The following HS6ST3 variants were observed in gnomAD, a reference collection of about 807,000 sequenced individuals.
The protein encoded by HS6ST3 is heparan sulfate 6-O-sulfotransferase 3, also known as heparan-sulfate 6-O-sulfotransferase 3.
A neutral mutation model predicts 36.7 loss-of-function variants in HS6ST3; 12 were observed. The observed-to-expected ratio is 0.33, with a 90% CI of 0.21 to 0.53. The LOEUF is 0.53. HS6ST3 is among the 20% of genes least tolerant of loss of function. HS6ST3 has a pLI of 0.95. For missense variants in HS6ST3, 584 were observed against 640.9 expected, an observed-to-expected ratio of 0.91 and a Z score of 0.96; for synonymous variants, 240 against 257.5, an observed-to-expected ratio of 0.93 and a Z score of 0.65.
chr13:96,466,626 A>G (rs947780252), intron 1 of HS6ST3, among the ~76,000 whole-genome samples: 2 of 152,204 alleles, frequency 1.3e-5, no homozygotes, highest in Non-Finnish European at 1.5e-5. Context: ...TTTAAATCAA[A>G]GAAGAAAAGA....
At chr13:96,594,229 C>G (rs1208304954) in intron 1 of HS6ST3, among the ~76,000 whole-genome samples, 1 of 151,876 alleles carries the variant, frequency 6.6e-6, no homozygotes, top group Non-Finnish European at 1.5e-5. Flanking sequence ...GCTTGGCCTC[C>G]CAAAGTGCTG....
At chr13:96,744,138 T>A (rs1467603633) in intron 1 of HS6ST3, among the ~76,000 whole-genome samples, 2 of 152,060 alleles carry the variant, frequency 1.3e-5, no homozygotes, top group Admixed American at 1.3e-4. Context: ...CTCCAAGATA[T>A]AAGCTACATT....
intron 1 of HS6ST3, among the ~76,000 whole-genome samples, chr13:96,286,194 G>C (rs1321662204): frequency 6.6e-6 from 1 of 152,152 alleles, no homozygotes; most frequent in Non-Finnish European, 1.5e-5. Context: ...TCAGAGAACA[G>C]AGTGAGGCTC....
Position 96,653,065 on chromosome 13 carries a change from T to G in HS6ST3, c.708-179425T>G, listed in dbSNP as rs557326953. Among the ~76,000 whole-genome samples, 13 of 152,214 alleles carry G rather than the reference T, an allele frequency of 8.5e-5. 1 individual carries two copies. Among genetic ancestry groups the G allele is most frequent in the African/African-American group, 3.1e-4 (13 of 41,554 alleles). On this transcript the variant is annotated intron_variant, in intron 1 of 1. Coordinates refer to ENST00000376705, the MANE Select transcript of HS6ST3 (RefSeq NM_153456.4). ...GTCACTGCTGTTTGGGGACTCATTT[T>G]TGCTAAACTCTTTTCTGAGGTGGAT...
At chr13:96,412,037 G>T (rs868506478) in intron 1 of HS6ST3, among the ~76,000 whole-genome samples, 1 of 151,486 alleles carries the variant, frequency 6.6e-6, no homozygotes, top group African/African-American at 2.4e-5. Flanking sequence ...ACGGATTCTC[G>T]CTCTGTAGCC....
At chr13:96,502,850 A>G (rs761989143) in intron 1 of HS6ST3, among the ~76,000 whole-genome samples, 12 of 152,166 alleles carry the variant, frequency 7.9e-5, no homozygotes, top group Non-Finnish European at 1.0e-4. Context: ...TGAGAACCCA[A>G]TTCCAACATC....
chr13:96,320,068 G>A (rs2054995845), intron 1 of HS6ST3, among the ~76,000 whole-genome samples: 2 of 152,068 alleles, frequency 1.3e-5, no homozygotes, highest in Non-Finnish European at 2.9e-5. Flanking sequence ...GGTGGAAAAG[G>A]GAAGATGAAA....
chr13:96,285,121 C>G (rs988196714), intron 1 of HS6ST3, among the ~76,000 whole-genome samples: 9 of 151,964 alleles, frequency 5.9e-5, no homozygotes, highest in African/African-American at 1.7e-4. Flanking sequence ...AAGGTCTTGA[C>G]AGTGTAAGAT....
chr13:96,571,993 G>A (rs2056302563), intron 1 of HS6ST3, among the ~76,000 whole-genome samples: 1 of 152,146 alleles, frequency 6.6e-6, no homozygotes, highest in Admixed American at 6.6e-5. Context: ...AGAGACCTTG[G>A]CAATGCAAAA....
chr13:96,273,802 A>G (rs1044162462), intron 1 of HS6ST3, among the ~76,000 whole-genome samples: 1 of 152,104 alleles, frequency 6.6e-6, no homozygotes, highest in African/African-American at 2.4e-5. Context: ...TAAGACAATG[A>G]GAAGGCATGG....
intron 1 of HS6ST3, among the ~76,000 whole-genome samples, chr13:96,732,238 T>A (rs1416315406): frequency 2.0e-5 from 3 of 152,220 alleles, no homozygotes; most frequent in Non-Finnish European, 4.4e-5. Flanking sequence ...TTTTTAAAAT[T>A]TTTAAATCAG....
At chr13:96,658,397 C>G (rs982079634) in intron 1 of HS6ST3, among the ~76,000 whole-genome samples, 9 of 150,166 alleles carry the variant, frequency 6.0e-5, no homozygotes, top group East Asian at 2.0e-4. Flanking sequence ...TCTTCTGCCT[C>G]AGCCTCCCGA....
At chr13:96,139,541 G>GGA (rs371698480) in intron 1 of HS6ST3, among the ~76,000 whole-genome samples, 2 of 66,264 alleles carry the variant, frequency 3.0e-5, no homozygotes, top group East Asian at 4.5e-4. Context: ...GTAAGATTCA[G>GGA]AAAAAAAAAA....
chr13:96,544,772 C>T (rs2056191019), intron 1 of HS6ST3, among the ~76,000 whole-genome samples: 1 of 152,070 alleles, frequency 6.6e-6, no homozygotes, highest in Non-Finnish European at 1.5e-5. Flanking sequence ...TGGTGAATGT[C>T]TGATGGAGCA....
At chr13:96,788,436 C>T (rs1169087796) in intron 1 of HS6ST3, among the ~76,000 whole-genome samples, 1 of 151,852 alleles carries the variant, frequency 6.6e-6, no homozygotes, top group African/African-American at 2.4e-5. Context: ...TCATGGTCAT[C>T]TATCTATGAA....
In HS6ST3 at chr13:96,825,419, G is replaced by GA. The variant is rs1382539730; in HGVS notation, c.708-7066dup. 2.0e-5 allele frequency among the ~76,000 whole-genome samples: 3 copies of GA among 152,210 alleles called. No homozygotes were observed. The East Asian group carries it at 5.8e-4, about 29-fold the overall frequency. ...AAGGAAAGAAAGAAACAGAAAAGAG[G>GA]AAAAAGTAGCATAGAGAAAGCTGAC... On this transcript the variant is annotated intron_variant, in intron 1 of 1. Transcript: ENST00000376705.
chr13:96,120,513 C>T (rs1293462155), intron 1 of HS6ST3, among the ~76,000 whole-genome samples: 1 of 152,122 alleles, frequency 6.6e-6, no homozygotes, highest in Non-Finnish European at 1.5e-5. Context: ...TACGTATATT[C>T]CTTCAATTTA....
rs148115923 is a variant in HS6ST3 at position 96,369,728 on chromosome 13, G to A, written c.707+278159G>A. On this transcript the variant is annotated intron_variant, in intron 1 of 1. Coordinates refer to ENST00000376705, the MANE Select transcript of HS6ST3 (RefSeq NM_153456.4). ...TGCACATCAATCAGTACAAAGTGGA[G>A]CAGAAGGTATAAAGCAGGGTGGGTT... Among the ~76,000 whole-genome samples, 10 of 152,274 alleles carry A rather than the reference G, an allele frequency of 6.6e-5. No individual in the cohort carries two copies. In the East Asian group the frequency reaches 1.9e-3, roughly 29 times the overall value.
intron 1 of HS6ST3, among the ~76,000 whole-genome samples, chr13:96,252,744 A>G (rs1446941822): frequency 1.3e-5 from 2 of 151,942 alleles, no homozygotes; most frequent in Non-Finnish European, 2.9e-5. Flanking sequence ...ATGGGGATGG[A>G]TCCCTCCTGG....
Sources: allele counts gnomAD v4.1 joint callset (sites outside exome capture counted in the v4.1 genomes callset), GRCh38; gene constraint gnomAD v4.1.1; transcripts MANE v1.5; gene names NCBI Gene and HGNC (gene_info 2026-07-23, HGNC 2026-07-21).